CSNK2A1: variants seen among roughly 807,000 people sequenced by gnomAD.
The protein encoded by CSNK2A1 is casein kinase II subunit alpha.
A neutral mutation model predicts 62.9 loss-of-function variants in CSNK2A1; 10 were observed. The ratio of observed to expected loss-of-function variants is 0.16; its 90% CI spans 0.10 to 0.27. The LOEUF (loss-of-function observed/expected upper bound fraction) is 0.27. Ranked by LOEUF, CSNK2A1 falls within the 10% of genes least tolerant of loss-of-function variation. The probability of loss-of-function intolerance (pLI) is 1.00; values close to 1 mark genes in which losing one functional copy is unlikely to be tolerated. For missense variants in CSNK2A1, 160 were observed against 492.0 expected, an observed-to-expected ratio of 0.33 and a Z score of 6.38; for synonymous variants, 124 against 167.8, an observed-to-expected ratio of 0.74 and a Z score of 2.02.
intron 10 of CSNK2A1, chr20:489,500 T>C (rs1356385116): frequency 3.5e-5 from 14 of 404,820 alleles, no homozygotes; most frequent in Admixed American, 8.2e-5. Flanking sequence ...AAACACCATA[T>C]TGGAGATAAG....
chr20:536,473 G>A (rs950499357), intron 1 of CSNK2A1, among the ~76,000 whole-genome samples: 9 of 152,138 alleles, frequency 5.9e-5, no homozygotes, highest in African/African-American at 1.9e-4. Flanking sequence ...TAATTCCCAT[G>A]TTACAGGTGA....
chr20:476,073 T>C lies in CSNK2A1; in HGVS notation c.*7888A>G, dbSNP rs157806. The C allele has an allele frequency of 0.15, 23,064 of 152,262 alleles. 2,693 individuals carry two copies. The highest frequency in any genetic ancestry group is 0.32 in the African/African-American group (13,469 of 41,490). The allele number at this position is 152,262 out of a possible 1,614,324, so 9.4% of individuals were successfully genotyped here. On this transcript the variant is annotated 3_prime_UTR_variant, in exon 14 of 14. Coordinates refer to ENST00000217244, the MANE Select transcript of CSNK2A1 (RefSeq NM_177559.3). ...GAACCTGGACAGATTCCTGGCAACA[T>C]AGCTGTGCAAAAGCAGCCCCACAAG... is the stretch of plus-strand genomic sequence containing the variant.
chr20:521,286 T>C (rs558380142), intron 2 of CSNK2A1, among the ~76,000 whole-genome samples: 1 of 152,034 alleles, frequency 6.6e-6, no homozygotes, highest in East Asian at 1.9e-4. Context: ...AAAGAAGATA[T>C]ACACATAAGT....
chr20:531,336 A>G (rs1010153426), intron 1 of CSNK2A1, among the ~76,000 whole-genome samples: 2 of 152,158 alleles, frequency 1.3e-5, no homozygotes, highest in African/African-American at 2.4e-5. Context: ...CAGACACCCA[A>G]TGGAGATACC....
chr20:479,870 T>C lies in CSNK2A1; in HGVS notation c.*4091A>G, dbSNP rs1370421320. The C allele has an allele frequency of 1.3e-5, 2 of 152,240 alleles. No homozygotes were observed. The allele number at this position is 152,240 out of a possible 1,614,324, so 9.4% of individuals were successfully genotyped here. A position where few individuals can be genotyped will look rare whatever the true frequency, so the allele number is the denominator to read the frequency against. ...AACATGATGCCTAAAGTAAATGCTA[T>C]TTGGAATATTTCAAATTTCAGATTA... On this transcript the variant is annotated 3_prime_UTR_variant, in exon 14 of 14. Transcript: ENST00000217244.
chr20:533,228 T>C (rs2019249949), intron 1 of CSNK2A1, among the ~76,000 whole-genome samples: 1 of 152,238 alleles, frequency 6.6e-6, no homozygotes, highest in African/African-American at 2.4e-5. Context: ...GAAAACTACC[T>C]GTTCAAACCC....
In CSNK2A1 at chr20:482,698, T is replaced by C. The variant is rs1445599431; in HGVS notation, c.*1263A>G. The stretch of plus-strand genomic sequence containing the variant: ...ACAGGGAACTTAAATCTAACCTTGA[T>C]AAATAAAACCAAACGTTTATTTACA... On this transcript the variant is annotated 3_prime_UTR_variant, in exon 14 of 14. Transcript: ENST00000217244. 1 of 152,694 alleles carries C rather than the reference T, an allele frequency of 6.5e-6. No homozygotes were observed. Among genetic ancestry groups the C allele is most frequent in the Non-Finnish European group, 1.5e-5 (1 of 68,056 alleles). 9.5% of individuals were successfully genotyped at this position (152,694 alleles called of 1,614,324 possible).
intron 2 of CSNK2A1, among the ~76,000 whole-genome samples, chr20:518,780 C>A (rs6133124): frequency 6.7e-6 from 1 of 148,704 alleles, no homozygotes; most frequent in Non-Finnish European, 1.5e-5. Context: ...CGGTCTCGAT[C>A]TCCTGACCTC....
chr20:512,129 T>C (rs1471455048), intron 2 of CSNK2A1, among the ~76,000 whole-genome samples: 3 of 152,112 alleles, frequency 2.0e-5, no homozygotes, highest in Non-Finnish European at 4.4e-5. Flanking sequence ...CCTCAAGGGA[T>C]CCTCCCACCT....
In CSNK2A1 at chr20:478,700, G is replaced by A. The variant is rs757739157; in HGVS notation, c.*5261C>T. 7.9e-5 allele frequency: 32 copies of A among 405,818 alleles called. No homozygotes were observed. Among genetic ancestry groups the A allele is most frequent in the South Asian group, 3.2e-4 (19 of 59,188 alleles). The allele number at this position is 405,818 out of a possible 1,614,324, so 25.1% of individuals were successfully genotyped here. A position where few individuals can be genotyped will look rare whatever the true frequency, so the allele number is the denominator to read the frequency against. On this transcript the variant is annotated 3_prime_UTR_variant, in exon 14 of 14. Transcript: ENST00000217244. ...TCTCAGCACTTTGGGAGGCCAAGGC[G>A]GGTAGACTGTTGAGCTCAGGAGTTC...
At chr20:492,131 G>A in intron 9 of CSNK2A1, 123 bp downstream of exon 9, 1 of 678,168 alleles carries the variant, frequency 1.5e-6, no homozygotes, top group Admixed American at 2.8e-5. Flanking sequence ...CATATAAAAA[G>A]GACAGCTGTG....
At chr20:489,962 T>C in intron 9 of CSNK2A1, 81 bp from the exon 10 acceptor site, 3 of 1,019,112 alleles carry the variant, frequency 2.9e-6, no homozygotes, top group Non-Finnish European at 4.0e-6. Flanking sequence ...TTTTTAAAAT[T>C]AAAAAAAAAT....
At chr20:532,187 T>TG (rs1442064162) in intron 1 of CSNK2A1, among the ~76,000 whole-genome samples, 30 of 152,064 alleles carry the variant, frequency 2.0e-4, no homozygotes, top group African/African-American at 7.2e-4. Context: ...TTTTTTGAGA[T>TG]GGAGTCTCGC....
intron 2 of CSNK2A1, chr20:510,252 A>C (rs1196463060): frequency 6.6e-6 from 1 of 151,428 alleles, no homozygotes; most frequent in East Asian, 1.9e-4. Flanking sequence ...GGCTCACCAC[A>C]ACCTCTGCCG....
chr20:511,894 T>TGTA (rs1419705015), intron 2 of CSNK2A1, among the ~76,000 whole-genome samples: 6 of 152,190 alleles, frequency 3.9e-5, no homozygotes, highest in Middle Eastern at 3.2e-3. Flanking sequence ...TGCTGAACCA[T>TGTA]GTAGTAATTC....
chr20:539,665 T>C (rs1329821112), intron 1 of CSNK2A1: 1 of 152,218 alleles, frequency 6.6e-6, no homozygotes, highest in Non-Finnish European at 1.5e-5. Flanking sequence ...AGGGGAGCCA[T>C]TCTGCTTACC....
intron 2 of CSNK2A1, among the ~76,000 whole-genome samples, chr20:523,858 CAAAA>C (rs11401840): frequency 1.8e-4 from 8 of 45,544 alleles, no homozygotes; most frequent in African/African-American, 6.4e-4. Context: ...GACTCCATCT[CAAAA>C]AAAAAAAAAA....
At chr20:487,993 T>C (rs755058155) in intron 11 of CSNK2A1, 5 of 218,636 alleles carry the variant, frequency 2.3e-5, no homozygotes, top group Non-Finnish European at 4.6e-5. Context: ...AGTGTATAAG[T>C]ACTATATCTA....
intron 12 of CSNK2A1, 191 bp downstream of exon 12, chr20:487,236 T>G: frequency 1.4e-6 from 1 of 714,136 alleles, no homozygotes. Flanking sequence ...TCTTGTGTCA[T>G]GTATTCTGTT....
Sources: allele counts gnomAD v4.1 joint callset (sites outside exome capture counted in the v4.1 genomes callset), GRCh38; gene constraint gnomAD v4.1.1; transcripts MANE v1.5; gene names NCBI Gene and HGNC (gene_info 2026-07-23, HGNC 2026-07-21).